Variants in PTPRQ observed in about 807,000 individuals in gnomAD.
PTPRQ encodes phosphatidylinositol phosphatase PTPRQ.
PTPRQ carries 199 observed loss-of-function variants against 246.0 expected under a neutral mutation model. The ratio of observed to expected loss-of-function variants is 0.81; its 90% confidence interval spans 0.72 to 0.91. PTPRQ has a LOEUF of 0.91. Among genes scored for constraint, PTPRQ ranks in the 40% least tolerant of loss-of-function variants. The pLI is 0.00. For missense variants in PTPRQ, 2,624 were observed against 2,528.4 expected (o/e 1.04, Z -0.81); for synonymous variants, 869 against 853.2 (o/e 1.02, Z -0.32).
At chr12:80,504,849 G>A (rs1662261559) in intron 14 of PTPRQ, among the ~76,000 whole-genome samples, 3 of 151,806 alleles carry the variant, frequency 2.0e-5, no homozygotes, top group African/African-American at 4.8e-5. Flanking sequence ...TCTCCACCCA[G>A]AGGAGTGGCA....
At chr12:80,470,538 C>G (rs1893590927) in intron 7 of PTPRQ, among the ~76,000 whole-genome samples, 1 of 152,050 alleles carries the variant, frequency 6.6e-6, no homozygotes, top group Non-Finnish European at 1.5e-5. Context: ...GAGTAAGATT[C>G]CAGGCACCAT....
At chr12:80,586,358 A>T (rs1320836496) in intron 25 of PTPRQ, among the ~76,000 whole-genome samples, 1 of 151,238 alleles carries the variant, frequency 6.6e-6, no homozygotes, top group East Asian at 1.9e-4. Context: ...ACCATCTCAC[A>T]CCAGTTAGAA....
At chr12:80,598,447 C>T (rs1898040554) in intron 26 of PTPRQ, among the ~76,000 whole-genome samples, 1 of 151,932 alleles carries the variant, frequency 6.6e-6, no homozygotes. Context: ...AATCCAATTG[C>T]AGAGCTTCTT....
At chr12:80,601,314 C>T (rs981587785) in intron 26 of PTPRQ, among the ~76,000 whole-genome samples, 1 of 151,718 alleles carries the variant, frequency 6.6e-6, no homozygotes. Flanking sequence ...ATATTTCCAG[C>T]ACTTCCAAAG....
intron 35 of PTPRQ, among the ~76,000 whole-genome samples, chr12:80,638,324 A>T (rs1443157982): frequency 6.6e-6 from 1 of 151,748 alleles, no homozygotes; most frequent in Non-Finnish European, 1.5e-5. Flanking sequence ...CTTGATTCTT[A>T]GGCATGTCCT....
At chr12:80,652,028 C>A (rs1319465185) in intron 37 of PTPRQ, among the ~76,000 whole-genome samples, 1 of 152,050 alleles carries the variant, frequency 6.6e-6, no homozygotes, top group Non-Finnish European at 1.5e-5. Flanking sequence ...TGGAATTTGG[C>A]AAGTTGAGAT....
chr12:80,669,946 C>A (rs1035619873), intron 41 of PTPRQ, among the ~76,000 whole-genome samples: 1 of 151,954 alleles, frequency 6.6e-6, no homozygotes, highest in South Asian at 2.1e-4. Flanking sequence ...TGCCTATACA[C>A]ACAGAAGATG....
chr12:80,524,805 A>G (rs1436624409), intron 17 of PTPRQ, among the ~76,000 whole-genome samples: 1 of 152,180 alleles, frequency 6.6e-6, no homozygotes, highest in African/African-American at 2.4e-5. Context: ...AGGTAAGGTT[A>G]CAGAGCTAAG....
chr12:80,558,144 T>TTTTCTTTTCTTTTC, intron 25 of PTPRQ, among the ~76,000 whole-genome samples: 1 of 131,374 alleles, frequency 7.6e-6, no homozygotes, highest in Middle Eastern at 3.3e-3. Flanking sequence ...TTTTCTTTTC[T>TTTTCTTTTCTTTTC]TTTCTTTTCT....
At chr12:80,533,278 A>T (rs1225797200) in intron 17 of PTPRQ, among the ~76,000 whole-genome samples, 1 of 151,974 alleles carries the variant, frequency 6.6e-6, no homozygotes, top group Non-Finnish European at 1.5e-5. Context: ...ACTGAAATAA[A>T]ATAGTGTTAT....
rs182775580 is a variant in PTPRQ, at chr12:80,522,823, T to C, written c.2679-11192T>C. 4.6e-5 allele frequency among the ~76,000 whole-genome samples: 7 copies of C among 152,312 alleles called. No homozygotes were observed. The East Asian group carries it at 1.2e-3, about 25-fold the overall frequency. ...CATCAGGGATATTCATGTAAAATTC[T>C]CTTTTTTTGTTGTGTCTCTGCCAGG... On this transcript the variant is annotated intron_variant, in intron 17 of 44. Transcript: ENST00000644991.
At chr12:80,464,150 C>T (rs1182530418) in intron 6 of PTPRQ, among the ~76,000 whole-genome samples, 1 of 150,524 alleles carries the variant, frequency 6.6e-6, no homozygotes, top group African/African-American at 2.5e-5. Flanking sequence ...CACACATAGG[C>T]TCAAAATAAA....
chr12:80,642,686 C>T (rs948664840), intron 35 of PTPRQ, among the ~76,000 whole-genome samples: 3 of 151,458 alleles, frequency 2.0e-5, no homozygotes, highest in South Asian at 2.1e-4. Context: ...TTTGGGAGGC[C>T]GAGGCGGGCG....
At position 80,588,146 on chromosome 12, in the gene PTPRQ, A is replaced by G; in HGVS notation, c.4303A>G (p.Asn1435Asp). ...LPETVPSVPT[N>D]IAFSDVQSTS... ...ATTTTTAGTTCCCAGTGTTCCCACAAATATTGCTTTTTCTGATGTTCAGTC... is the reference window on the plus strand; with the variant it reads ...ATTTTTAGTTCCCAGTGTTCCCACAGATATTGCTTTTTCTGATGTTCAGTC... The change falls in exon 26 of 45, where the codon AAT becomes GAT. Residue 1435 changes from asparagine to aspartate, a missense_variant. Transcript: ENST00000644991. 6.5e-7 allele frequency: 1 copy of G among 1,531,478 alleles called. No homozygotes were observed. Among genetic ancestry groups the G allele is most frequent in the Non-Finnish European group, 8.8e-7 (1 of 1,136,406 alleles). The allele number at this position is 1,531,478 out of a possible 1,614,324, so 94.9% of individuals were successfully genotyped here. A position where few individuals can be genotyped will look rare whatever the true frequency, so the allele number is the denominator to read the frequency against.
chr12:80,588,289 T>C lies in PTPRQ; in HGVS notation c.4446T>C (p.Cys1482=). Reference sequence around the variant, plus strand: ...GCAAAGAATGGGAATCCGAAGAATGTGTTGAATATCAAAAAATTCAATACC... The same window carrying C: ...GCAAAGAATGGGAATCCGAAGAATGCGTTGAATATCAAAAAATTCAATACC... ...QKCKEWESEE[C]VEYQKIQYLY... The change falls in exon 26 of 45, where the codon TGT becomes TGC. Residue 1482 remains cysteine, a synonymous_variant. Transcript: ENST00000644991. 1 of 1,551,584 alleles carries C rather than the reference T, an allele frequency of 6.4e-7. No homozygotes were observed. Among genetic ancestry groups the C allele is most frequent in the Non-Finnish European group, 8.7e-7 (1 of 1,146,924 alleles).
chr12:80,578,505 C>T (rs1365093867), intron 25 of PTPRQ, among the ~76,000 whole-genome samples: 1 of 151,994 alleles, frequency 6.6e-6, no homozygotes, highest in East Asian at 1.9e-4. Flanking sequence ...ATTCTCCTGC[C>T]TCAGCCTCCT....
intron 17 of PTPRQ, among the ~76,000 whole-genome samples, chr12:80,510,843 G>T (rs1350945593): frequency 1.3e-5 from 2 of 152,028 alleles, no homozygotes; most frequent in Non-Finnish European, 2.9e-5. Flanking sequence ...TATTTTTAAA[G>T]AAATCTGTTA....
Position 80,478,561 on chromosome 12 carries a change from G to T in PTPRQ, c.1187-5872G>T, listed in dbSNP as rs373036047. ...CTTTGACGAGCTGAGAGAAGCTTCA[G>T]ACGATCAAATTACTCTGAGCTACAG... On this transcript the variant is annotated intron_variant, in intron 8 of 44. Transcript: ENST00000644991. Among the ~76,000 whole-genome samples the T allele has an allele frequency of 5.9e-5, 9 of 152,086 alleles. No homozygotes were observed. In the East Asian group the frequency reaches 1.5e-3, roughly 26 times the overall value.
intron 35 of PTPRQ, among the ~76,000 whole-genome samples, chr12:80,640,158 G>A (rs1899804236): frequency 2.0e-5 from 3 of 152,032 alleles, no homozygotes; most frequent in Non-Finnish European, 2.9e-5. Context: ...TTTCTATGAT[G>A]AGAATGAGTC....
Sources: allele counts gnomAD v4.1 joint callset (sites outside exome capture counted in the v4.1 genomes callset), GRCh38; gene constraint gnomAD v4.1.1; transcripts MANE v1.5; gene names NCBI Gene and HGNC (gene_info 2026-07-23, HGNC 2026-07-21).